Variants in IGSF10 observed in about 807,000 individuals in gnomAD.
IGSF10 encodes calvaria mechanical force protein 608.
In IGSF10, 126 loss-of-function variants were observed where a neutral mutation model predicts 128.2. The ratio of observed to expected loss-of-function variants is 0.98; its 90% CI spans 0.85 to 1.14. The LOEUF is 1.14. IGSF10 is among the 50% of genes most tolerant of loss of function. The pLI, the probability that IGSF10 is intolerant of heterozygous loss-of-function variation, is 0.00. For missense variants in IGSF10, 3,295 were observed against 3,149.8 expected, an observed-to-expected ratio of 1.05 and a Z score of -1.10; for synonymous variants, 1,185 against 1,146.2, an observed-to-expected ratio of 1.03 and a Z score of -0.68.
chr3:151,603,983 T>C, the IGSF10 span, among the ~76,000 whole-genome samples: 3 of 152,352 alleles, frequency 2.0e-5, no homozygotes, highest in East Asian at 5.8e-4. Flanking sequence ...TATTTTCCAC[T>C]GTATATTTAA....
chr3:151,435,037 G>GTTAA (rs1472128512), downstream of IGSF10: 5 of 136,430 alleles, frequency 3.7e-5, no homozygotes, highest in African/African-American at 5.5e-5. Context: ...TTTTCTCCCT[G>GTTAA]TTAATTCTGT....
rs750143440 is a variant in IGSF10 at position 151,446,782 on chromosome 3, G to C, written c.3199C>G (p.Leu1067Val). 2 of 1,614,116 alleles carry C rather than the reference G, an allele frequency of 1.2e-6. No homozygotes were observed. Among genetic ancestry groups the C allele is most frequent in the South Asian group, 1.1e-5 (1 of 91,084 alleles). Residue 1067 changes from leucine (L) to valine (V), a missense_variant, in exon 6 of 8, where the codon CTT becomes GTT. Leu to Val is a conservative substitution (Grantham distance 32, BLOSUM62 1). Coordinates refer to ENST00000282466, the MANE Select transcript of IGSF10 (RefSeq NM_178822.5). Reference protein sequence around the residue: ...TVLNVTCLSCLPRERLTTATA... With the variant: ...TVLNVTCLSCVPRERLTTATA... ...GCAGTGGTGAGCCTCTCCCTGGGAA[G>C]ACAGGACAGACATGTCACATTGAGC...
the IGSF10 span, among the ~76,000 whole-genome samples, chr3:151,547,388 C>G: frequency 2.0e-5 from 3 of 151,006 alleles, no homozygotes; most frequent in African/African-American, 7.3e-5. Context: ...TTACTTTTGA[C>G]TCCTCTCCTT....
At chr3:151,450,414 G>A (rs1190799135) in intron 5 of IGSF10, among the ~76,000 whole-genome samples, 1 of 152,108 alleles carries the variant, frequency 6.6e-6, no homozygotes, top group African/African-American at 2.4e-5. Flanking sequence ...CTTCCCATGT[G>A]TGCACATGTC....
chr3:151,463,058 A>G (rs940446992), upstream of IGSF10, among the ~76,000 whole-genome samples: 61 of 152,226 alleles, frequency 4.0e-4, no homozygotes, highest in South Asian at 2.1e-4. Flanking sequence ...GCAACATGTT[A>G]AACTTATTTT....
chr3:151,613,597 G>A, the IGSF10 span, among the ~76,000 whole-genome samples: 1 of 151,894 alleles, frequency 6.6e-6, no homozygotes, highest in East Asian at 1.9e-4. Flanking sequence ...TTTAATAAAT[G>A]GTGCTGGGAA....
chr3:151,612,680 C>T, the IGSF10 span, among the ~76,000 whole-genome samples: 1 of 152,102 alleles, frequency 6.6e-6, no homozygotes, highest in South Asian at 2.1e-4. Context: ...GCGATATGGG[C>T]ATACAGACTG....
At chr3:151,474,985 GT>G in the IGSF10 span, among the ~76,000 whole-genome samples, 1 of 152,130 alleles carries the variant, frequency 6.6e-6, no homozygotes, top group Non-Finnish European at 1.5e-5. Context: ...TGAGATTTAG[GT>G]GGGGACACAG....
At chr3:151,602,988 T>G in the IGSF10 span, among the ~76,000 whole-genome samples, 1 of 152,246 alleles carries the variant, frequency 6.6e-6, no homozygotes, top group Non-Finnish European at 1.5e-5. Flanking sequence ...TGTTTTCTGT[T>G]GTTCTATTTT....
chr3:151,606,115 G>T, the IGSF10 span, among the ~76,000 whole-genome samples: 1 of 152,200 alleles, frequency 6.6e-6, no homozygotes, highest in Non-Finnish European at 1.5e-5. Flanking sequence ...CTGCTGTGTT[G>T]TCACTAAGTT....
the IGSF10 span, among the ~76,000 whole-genome samples, chr3:151,604,399 A>G: frequency 4.4e-3 from 669 of 152,186 alleles, 5 homozygotes; most frequent in African/African-American, 0.015. Context: ...ATATATTTAC[A>G]TATGTAAATC....
the IGSF10 span, among the ~76,000 whole-genome samples, chr3:151,577,653 T>TA: frequency 1.1e-4 from 16 of 147,962 alleles, no homozygotes; most frequent in South Asian, 4.3e-4. Context: ...CCAACACCAA[T>TA]AAAAAAAAAA....
Position 151,443,074 on chromosome 3 carries a change from T to C in IGSF10, c.5873A>G (p.Lys1958Arg). ...QKRTEVNFGD[K>R]LLLNCSATGE... ...AGTGGCTGAGCAGTTCAGTAGTAATTTGTCCCCAAAATTCACTTCAGTCCT... is the reference window on the plus strand; with the variant it reads ...AGTGGCTGAGCAGTTCAGTAGTAATCTGTCCCCAAAATTCACTTCAGTCCT... Residue 1958 changes from lysine to arginine, a missense_variant, in exon 7 of 8, where the codon AAA becomes AGA. Lys to Arg is a conservative substitution (Grantham distance 26, BLOSUM62 2). Coordinates refer to ENST00000282466, the MANE Select transcript of IGSF10 (RefSeq NM_178822.5). The C allele has an allele frequency of 6.2e-7, 1 of 1,614,216 alleles. No individual in the cohort carries two copies. Among genetic ancestry groups the C allele is most frequent in the Non-Finnish European group, 8.5e-7 (1 of 1,180,040 alleles).
the IGSF10 span, among the ~76,000 whole-genome samples, chr3:151,522,791 C>T: frequency 5.9e-5 from 9 of 152,232 alleles, no homozygotes; most frequent in South Asian, 1.7e-3. Context: ...CCAGGATGCC[C>T]TCTTTTACCA....
At chr3:151,478,454 G>C in the IGSF10 span, among the ~76,000 whole-genome samples, 3 of 152,220 alleles carry the variant, frequency 2.0e-5, no homozygotes, top group African/African-American at 7.2e-5. Context: ...TTTTTGGACA[G>C]ATCATAGCCA....
At chr3:151,540,137 A>T in the IGSF10 span, among the ~76,000 whole-genome samples, 1 of 152,188 alleles carries the variant, frequency 6.6e-6, no homozygotes, top group Non-Finnish European at 1.5e-5. Context: ...ACCAAATAAC[A>T]TAATTTAAAT....
the IGSF10 span, among the ~76,000 whole-genome samples, chr3:151,586,118 G>A: frequency 0.052 from 7,926 of 151,426 alleles, 351 homozygotes; most frequent in East Asian, 0.12. Context: ...TTGCCACCAC[G>A]CCAGGCTAAT....
chr3:151,476,043 A>G, the IGSF10 span: 3 of 152,174 alleles, frequency 2.0e-5, no homozygotes, highest in African/African-American at 7.2e-5. Flanking sequence ...ACTTACATTT[A>G]TGACAGATAC....
chr3:151,613,887 CA>C, the IGSF10 span, among the ~76,000 whole-genome samples: 3 of 152,124 alleles, frequency 2.0e-5, no homozygotes, highest in South Asian at 6.2e-4. Flanking sequence ...AATGAACAGG[CA>C]ACCTACAGAA....
Sources: allele counts gnomAD v4.1 joint callset (sites outside exome capture counted in the v4.1 genomes callset), GRCh38; gene constraint gnomAD v4.1.1; transcripts MANE v1.5; gene names NCBI Gene and HGNC (gene_info 2026-07-23, HGNC 2026-07-21).